The following GALNT11 variants were observed in gnomAD, a reference collection of about 807,000 sequenced individuals.
The protein encoded by GALNT11 is polypeptide N-acetylgalactosaminyltransferase 11, also known as UDP-GalNAc:polypeptide N-acetylgalactosaminyltransferase 11.
GALNT11 carries 47 observed loss-of-function variants against 72.7 expected under a neutral mutation model. The observed-to-expected ratio is 0.65, with a 90% CI of 0.51 to 0.82. GALNT11 has a LOEUF of 0.82. Ranked by LOEUF, GALNT11 falls within the 40% of genes least tolerant of loss-of-function variation. GALNT11 has a pLI of 0.00. For synonymous variants in GALNT11, 270 were observed against 286.6 expected (o/e 0.94, Z 0.58); for missense variants, 677 against 778.4 (o/e 0.87, Z 1.55).
chr7:152,120,060 T>TTATATATA (rs1340764496), intron 10 of GALNT11: 1 of 152,228 alleles, frequency 6.6e-6, no homozygotes, highest in Admixed American at 6.5e-5. Flanking sequence ...TTAGTTATGC[T>TTATATATA]TATTGCTTAG....
chr7:152,102,969 G>A lies in GALNT11; in HGVS notation c.420-143G>A, dbSNP rs564907426. 157 of 729,720 alleles carry A rather than the reference G, an allele frequency of 2.2e-4. 2 individuals are homozygous for A. The highest frequency in any genetic ancestry group is 2.1e-3 in the South Asian group (96 of 46,142). 45.2% of individuals were successfully genotyped at this position (729,720 alleles called of 1,614,324 possible). ...GCACTCCAGCCTGGGCAACAAGAGC[G>A]AGACTCCGTCTCAAAAAAAAAAAAA... On this transcript the variant is annotated intron_variant, in intron 3 of 11. Coordinates refer to ENST00000430044, the MANE Select transcript of GALNT11 (RefSeq NM_022087.4).
rs183187403 is a variant in GALNT11 at position 152,047,829 on chromosome 7, T to G, written c.-39+21945T>G. On this transcript the variant is annotated intron_variant, in intron 1 of 11. Transcript: ENST00000430044. ...CATTCCCTGCTTTTAAACTTTTTGT[T>G]GTTTCTATTTATATCTTATTGTATT... 1.7e-3 allele frequency among the ~76,000 whole-genome samples: 253 copies of G among 152,232 alleles called. 3 individuals are homozygous for G. The highest frequency in any genetic ancestry group is 5.8e-3 in the African/African-American group (240 of 41,486).
Position 152,113,115 on chromosome 7 carries a change from T to C in GALNT11, c.1081-131T>C, listed in dbSNP as rs576383212. ...ATTTCCTTCTATTTGAATATTTGTATCTAATAAGATAAATATCTTGCCAAG... is the reference window on the plus strand; with the variant it reads ...ATTTCCTTCTATTTGAATATTTGTACCTAATAAGATAAATATCTTGCCAAG... On this transcript the variant is annotated intron_variant, in intron 7 of 11. Transcript: ENST00000430044. The C allele has an allele frequency of 4.6e-5, 41 of 889,496 alleles. 1 individual carries two copies. The East Asian group carries it at 1.0e-3, about 22-fold the overall frequency. 55.1% of individuals were successfully genotyped at this position (889,496 alleles called of 1,614,324 possible).
chr7:152,087,242 A>G (rs1337460871), intron 1 of GALNT11, among the ~76,000 whole-genome samples: 1 of 152,222 alleles, frequency 6.6e-6, no homozygotes, highest in Non-Finnish European at 1.5e-5. Context: ...TTTAATGTTT[A>G]GTGGGTGGAT....
At chr7:152,118,910 A>G in intron 10 of GALNT11, 128 bp downstream of exon 10, 1 of 643,118 alleles carries the variant, frequency 1.6e-6, no homozygotes, top group Non-Finnish European at 2.5e-6. Flanking sequence ...ATTTCTGTGT[A>G]GTGTTGCGTT....
intron 1 of GALNT11, among the ~76,000 whole-genome samples, chr7:152,039,905 A>C (rs998248485): frequency 6.6e-6 from 1 of 152,096 alleles, no homozygotes; most frequent in South Asian, 2.1e-4. Flanking sequence ...TGCTGATAGC[A>C]TCTGGCCTTT....
chr7:152,069,608 C>T (rs193232795), intron 1 of GALNT11, among the ~76,000 whole-genome samples: 1 of 152,304 alleles, frequency 6.6e-6, no homozygotes, highest in Admixed American at 6.5e-5. Context: ...GAAGCATACA[C>T]ATTCAAGACT....
At chr7:152,066,309 T>G (rs2084308489) in intron 1 of GALNT11, among the ~76,000 whole-genome samples, 1 of 151,838 alleles carries the variant, frequency 6.6e-6, no homozygotes, top group Non-Finnish European at 1.5e-5. Context: ...AGGGTGGGAG[T>G]GACCCTATTT....
At chr7:152,052,075 C>T (rs183013503) in intron 1 of GALNT11, among the ~76,000 whole-genome samples, 4 of 152,214 alleles carry the variant, frequency 2.6e-5, no homozygotes, top group East Asian at 1.9e-4. Context: ...TGTGAATATG[C>T]GTATTCTAGA....
intron 7 of GALNT11, among the ~76,000 whole-genome samples, chr7:152,111,132 G>GT (rs1471039238): frequency 2.0e-5 from 3 of 151,804 alleles, no homozygotes; most frequent in Admixed American, 6.6e-5. Context: ...GAAAAAGCAT[G>GT]TAAGAAGCCA....
intron 1 of GALNT11, among the ~76,000 whole-genome samples, chr7:152,053,243 T>A (rs957747688): frequency 2.0e-5 from 3 of 152,180 alleles, no homozygotes; most frequent in African/African-American, 7.2e-5. Flanking sequence ...CAGCATCAGA[T>A]CCCCTTCCTG....
chr7:152,060,929 A>T (rs932129084), intron 1 of GALNT11, among the ~76,000 whole-genome samples: 2 of 152,220 alleles, frequency 1.3e-5, no homozygotes, highest in Non-Finnish European at 2.9e-5. Flanking sequence ...TGACACAATA[A>T]ACATACGTGT....
At chr7:152,111,565 T>C (rs6952434) in intron 7 of GALNT11, among the ~76,000 whole-genome samples, 22,724 of 151,826 alleles carry the variant, frequency 0.15, 4,051 homozygotes, top group African/African-American at 0.43. Flanking sequence ...TAGTACTTCA[T>C]CCCTCACTCC....
chr7:152,053,641 A>G (rs1315461932), intron 1 of GALNT11, among the ~76,000 whole-genome samples: 1 of 152,212 alleles, frequency 6.6e-6, no homozygotes, highest in Non-Finnish European at 1.5e-5. Flanking sequence ...GAAAAAGATT[A>G]CCGACCAAAA....
chr7:152,033,351 G>C (rs1171047508), intron 1 of GALNT11, among the ~76,000 whole-genome samples: 1 of 152,164 alleles, frequency 6.6e-6, no homozygotes, highest in African/African-American at 2.4e-5. Flanking sequence ...TTGTTTGTCT[G>C]AGGGCCATGA....
chr7:152,096,415 T>C lies in GALNT11; in HGVS notation c.295+1893T>C, dbSNP rs2086372975. Reference sequence around the variant, plus strand: ...AAAAACTTTCGTACATCAAATAACATATCAAGAATGTGAAAAAAGGGCTGG... The same window carrying C: ...AAAAACTTTCGTACATCAAATAACACATCAAGAATGTGAAAAAAGGGCTGG... On this transcript the variant is annotated intron_variant, in intron 2 of 11. Coordinates refer to ENST00000430044, the MANE Select transcript of GALNT11 (RefSeq NM_022087.4). Among the ~76,000 whole-genome samples, 4 of 152,200 alleles carry C rather than the reference T, an allele frequency of 2.6e-5. No homozygotes were observed. The South Asian group carries it at 8.3e-4, about 32-fold the overall frequency.
intron 1 of GALNT11, among the ~76,000 whole-genome samples, chr7:152,071,874 T>C (rs2084670783): frequency 6.6e-6 from 1 of 152,128 alleles, no homozygotes; most frequent in Non-Finnish European, 1.5e-5. Flanking sequence ...ATGTAGCATG[T>C]CAATTATACT....
At chr7:152,107,514 A>G (rs1197299363) in intron 5 of GALNT11, 1 of 152,170 alleles carries the variant, frequency 6.6e-6, no homozygotes, top group Non-Finnish European at 1.5e-5. Context: ...GCCATCATCC[A>G]TAGTTACAGT....
chr7:152,029,815 G>A (rs1007343578), intron 1 of GALNT11, among the ~76,000 whole-genome samples: 3 of 152,216 alleles, frequency 2.0e-5, no homozygotes, highest in African/African-American at 7.2e-5. Context: ...CCTAGATCTG[G>A]TCGGACCTTT....
Sources: gnomAD v4.1 joint callset for allele counts (sites outside exome capture counted in the v4.1 genomes callset) on GRCh38, gnomAD v4.1.1 for gene constraint, MANE v1.5 for transcripts, NCBI Gene and HGNC (gene_info 2026-07-23, HGNC 2026-07-21) for gene names.